The following PDE4D variants were observed in gnomAD, a reference collection of about 807,000 sequenced individuals.
The protein encoded by PDE4D is phosphodiesterase 4D.
In PDE4D, 24 loss-of-function variants were observed where a neutral mutation model predicts 87.4. The ratio of observed to expected loss-of-function variants is 0.27; its 90% CI spans 0.20 to 0.39. The LOEUF is 0.39. Among genes scored for constraint, PDE4D ranks in the 10% least tolerant of loss-of-function variants. PDE4D has a pLI of 1.00. For missense variants in PDE4D, 714 were observed against 1,041.0 expected, an observed-to-expected ratio of 0.69 and a Z score of 4.32; for synonymous variants, 384 against 383.2, an observed-to-expected ratio of 1.00 and a Z score of -0.02.
chr5:59,247,592 T>C (rs143813678), intron 1 of PDE4D, among the ~76,000 whole-genome samples: 8 of 152,278 alleles, frequency 5.3e-5, no homozygotes, highest in African/African-American at 1.7e-4. Context: ...AGGCTTCATA[T>C]GTTACTAAGG....
chr5:60,110,351 G>A (rs71627988), intron 2 of PDE4D, among the ~76,000 whole-genome samples: 21,103 of 151,972 alleles, frequency 0.14, 1,512 homozygotes, highest in Middle Eastern at 0.22. Context: ...TGATTCAAAA[G>A]TGGGCAAAAT....
intron 1 of PDE4D, among the ~76,000 whole-genome samples, chr5:59,568,499 T>C (rs145083305): frequency 2.9e-4 from 44 of 152,024 alleles, no homozygotes; most frequent in African/African-American, 9.6e-4. Context: ...GGTATGAAAA[T>C]AATAAAAATA....
At chr5:59,282,980 T>TTTGGAGTC (rs1323397638) in intron 1 of PDE4D, among the ~76,000 whole-genome samples, 6 of 152,148 alleles carry the variant, frequency 3.9e-5, no homozygotes, top group African/African-American at 1.4e-4. Flanking sequence ...AGAAGAGGCC[T>TTTGGAGTC]TTGGAGTCAG....
At chr5:60,072,862 T>C (rs1772872789) in intron 2 of PDE4D, among the ~76,000 whole-genome samples, 3 of 152,182 alleles carry the variant, frequency 2.0e-5, no homozygotes, top group South Asian at 4.1e-4. Flanking sequence ...TTTCTGTTTT[T>C]ATACCAGAAT....
intron 2 of PDE4D, among the ~76,000 whole-genome samples, chr5:59,204,668 G>A (rs1421814857): frequency 6.6e-6 from 1 of 152,204 alleles, no homozygotes; most frequent in African/African-American, 2.4e-5. Flanking sequence ...AAGAAAGACA[G>A]CGAAAGAGTT....
At chr5:59,664,018 T>C (rs896200934) in intron 1 of PDE4D, among the ~76,000 whole-genome samples, 1 of 152,218 alleles carries the variant, frequency 6.6e-6, no homozygotes, top group Non-Finnish European at 1.5e-5. Context: ...TGCCTATTTT[T>C]AAAAAGCTCT....
chr5:59,688,469 A>G (rs980937337), intron 1 of PDE4D, among the ~76,000 whole-genome samples: 3 of 152,176 alleles, frequency 2.0e-5, no homozygotes, highest in Non-Finnish European at 4.4e-5. Flanking sequence ...CTGAATGACT[A>G]CTGGGTACAT....
chr5:60,148,500 C>CTTTT (rs1422290595), intron 2 of PDE4D, among the ~76,000 whole-genome samples: 2 of 152,092 alleles, frequency 1.3e-5, no homozygotes, highest in Non-Finnish European at 2.9e-5. Context: ...TAAGCATCCA[C>CTTTT]TGGGTTTTGT....
At chr5:59,082,155 C>T (rs1359501571) in intron 5 of PDE4D, among the ~76,000 whole-genome samples, 1 of 152,060 alleles carries the variant, frequency 6.6e-6, no homozygotes, top group Non-Finnish European at 1.5e-5. Context: ...TGAGAATGGC[C>T]TAATACAGTA....
chr5:59,166,460 G>T (rs1781940469), intron 5 of PDE4D: 1 of 152,166 alleles, frequency 6.6e-6, no homozygotes, highest in Non-Finnish European at 1.5e-5. Flanking sequence ...CTGTCTTGAG[G>T]TTGGCTGAGG....
chr5:59,993,872 T>C (rs891038171), intron 2 of PDE4D, among the ~76,000 whole-genome samples: 7 of 152,006 alleles, frequency 4.6e-5, no homozygotes, highest in Non-Finnish European at 8.8e-5. Flanking sequence ...ACCTGCTACC[T>C]TGTAGTAAAA....
At chr5:59,342,462 C>G (rs1778889847) in intron 1 of PDE4D, among the ~76,000 whole-genome samples, 1 of 152,058 alleles carries the variant, frequency 6.6e-6, no homozygotes, top group South Asian at 2.1e-4. Flanking sequence ...CCATAAATTA[C>G]CATATTTGGA....
At chr5:59,768,481 A>G (rs1358289936) in intron 1 of PDE4D, 2 of 1,598,338 alleles carry the variant, frequency 1.3e-6, no homozygotes, top group Admixed American at 3.3e-5. Flanking sequence ...AGGTACTGTT[A>G]AAGTGTCCGG....
At chr5:60,515,773 T>C (rs571888365) in intron 1 of PDE4D, among the ~76,000 whole-genome samples, 9 of 152,264 alleles carry the variant, frequency 5.9e-5, no homozygotes, top group Non-Finnish European at 1.2e-4. Flanking sequence ...CTGTAGGTTA[T>C]GTGTTTACTG....
At chr5:59,310,858 A>G (rs1177313106) in intron 1 of PDE4D, among the ~76,000 whole-genome samples, 1 of 152,160 alleles carries the variant, frequency 6.6e-6, no homozygotes, top group Non-Finnish European at 1.5e-5. Flanking sequence ...TACATTCTTA[A>G]CATATACTGG....
At chr5:60,310,584 G>C (rs185493545) in intron 1 of PDE4D, among the ~76,000 whole-genome samples, 31 of 152,316 alleles carry the variant, frequency 2.0e-4, no homozygotes, top group Admixed American at 2.0e-3. Context: ...TAGCAGAAAA[G>C]TGGGGTTGTG....
In PDE4D at chr5:59,332,456, G is replaced by A. The variant is rs146728555; in HGVS notation, c.456-116488C>T. On this transcript the variant is annotated intron_variant, in intron 1 of 14. Transcript: ENST00000340635. The stretch of plus-strand genomic sequence containing the variant: ...TGGCTTCAAGGCACTCTTAGATAAT[G>A]TCTAGTTTATTTTCCACTCTAATTC... 1.6e-4 allele frequency among the ~76,000 whole-genome samples: 25 copies of A among 152,214 alleles called. 1 individual carries two copies. In the East Asian group the frequency reaches 4.8e-3, roughly 29 times the overall value.
At chr5:60,280,694 T>C (rs1490958681) in intron 1 of PDE4D, among the ~76,000 whole-genome samples, 1 of 152,122 alleles carries the variant, frequency 6.6e-6, no homozygotes, top group Non-Finnish European at 1.5e-5. Flanking sequence ...ACAGGATGCA[T>C]CATGGGCCTT....
chr5:59,812,515 A>C (rs983194746), intron 1 of PDE4D, among the ~76,000 whole-genome samples: 1 of 152,118 alleles, frequency 6.6e-6, no homozygotes, highest in Non-Finnish European at 1.5e-5. Flanking sequence ...TCTACTAAAA[A>C]TACAGAAATT....
Sources: allele counts gnomAD v4.1 joint callset (sites outside exome capture counted in the v4.1 genomes callset), GRCh38; gene constraint gnomAD v4.1.1; transcripts MANE v1.5; gene names NCBI Gene and HGNC (gene_info 2026-07-23, HGNC 2026-07-21).